DUSP16: variants seen among roughly 807,000 people sequenced by gnomAD.
DUSP16 encodes dual specificity protein phosphatase 16.
In DUSP16, 21 loss-of-function variants were observed where a neutral mutation model predicts 58.3. The observed-to-expected ratio is 0.36, with a 90% CI of 0.26 to 0.52. DUSP16 has a LOEUF of 0.52. Among genes scored for constraint, DUSP16 ranks in the 20% least tolerant of loss-of-function variants. The pLI is 0.94. For missense variants in DUSP16, 726 were observed against 819.0 expected, an observed-to-expected ratio of 0.89 and a Z score of 1.39; for synonymous variants, 320 against 323.8, an observed-to-expected ratio of 0.99 and a Z score of 0.12.
intron 4 of DUSP16, among the ~76,000 whole-genome samples, chr12:12,497,700 G>A (rs1045575152): frequency 9.3e-5 from 14 of 151,134 alleles, no homozygotes; most frequent in African/African-American, 2.4e-4. Flanking sequence ...GGCCAGGCAC[G>A]GTGGCTCACG....
chr12:12,477,318 G>T lies in DUSP16; in HGVS notation c.1513C>A (p.Arg505=). 1 of 1,614,246 alleles carries T rather than the reference G, an allele frequency of 6.2e-7. No individual in the cohort carries two copies. The highest frequency in any genetic ancestry group is 8.5e-7 in the Non-Finnish European group (1 of 1,180,046). Residue 505 remains arginine, a synonymous_variant, in exon 7 of 7, where the codon CGA becomes AGA. Coordinates refer to ENST00000298573, the MANE Select transcript of DUSP16 (RefSeq NM_030640.3). The surrounding 1 kb of genome is among the most constrained non-coding windows in gnomAD (Gnocchi z 4.1). ...TAATTGTCCTCCACGCTCCCACTTCGATGCAGTGGAGATAAAAGGGACCTC... is the reference window on the plus strand; with the variant it reads ...TAATTGTCCTCCACGCTCCCACTTCTATGCAGTGGAGATAAAAGGGACCTC... The part of the protein sequence containing the change: ...AQRSLLSPLH[R]SGSVEDNYHT...
chr12:12,531,093 T>C lies in DUSP16; in HGVS notation c.-365-9630A>G, dbSNP rs565277162. 1.6e-4 allele frequency among the ~76,000 whole-genome samples: 24 copies of C among 152,336 alleles called. No homozygotes were observed. The East Asian group carries it at 4.0e-3, about 26-fold the overall frequency. Reference sequence around the variant, plus strand: ...ATTCCAATACATGAAAGATATAGTATACTTTGTTGACAAAGAACTAATTGA... The same window carrying C: ...ATTCCAATACATGAAAGATATAGTACACTTTGTTGACAAAGAACTAATTGA... On this transcript the variant is annotated intron_variant, in intron 1 of 6. Coordinates refer to ENST00000298573, the MANE Select transcript of DUSP16 (RefSeq NM_030640.3).
At chr12:12,524,693 C>G (rs1326150555) in intron 1 of DUSP16, among the ~76,000 whole-genome samples, 3 of 152,164 alleles carry the variant, frequency 2.0e-5, no homozygotes, top group Non-Finnish European at 1.5e-5. Flanking sequence ...AGGCTCAAGT[C>G]CATAGAACAA....
intron 1 of DUSP16, among the ~76,000 whole-genome samples, chr12:12,524,937 C>T (rs973184034): frequency 1.3e-5 from 2 of 151,998 alleles, no homozygotes; most frequent in African/African-American, 4.8e-5. Flanking sequence ...TAAAAAAAAA[C>T]TAAATATATT....
chr12:12,521,410 A>G lies in DUSP16; in HGVS notation c.-312T>C. ...TGCTTTGGAGCAGCCAGCGCATTAC[A>G]TCATTCTTTACCTTTGCTCCCGCGC... On this transcript the variant is annotated 5_prime_UTR_variant, in exon 2 of 7. The change abolishes an upstream ATG in the 5' untranslated region. Transcript: ENST00000298573. The G allele has an allele frequency of 8.1e-7, 1 of 1,232,246 alleles. No homozygotes were observed. Among genetic ancestry groups the G allele is most frequent in the Non-Finnish European group, 1.0e-6 (1 of 977,322 alleles). 76.3% of individuals were successfully genotyped at this position (1,232,246 alleles called of 1,614,324 possible). A position where few individuals can be genotyped will look rare whatever the true frequency, so the allele number is the denominator to read the frequency against.
At chr12:12,505,395 A>C (rs1943978658) in intron 3 of DUSP16, among the ~76,000 whole-genome samples, 1 of 152,246 alleles carries the variant, frequency 6.6e-6, no homozygotes. Context: ...ATGAGGGAGA[A>C]GGAAGAAGAT....
At chr12:12,515,580 G>A (rs955290846) in intron 3 of DUSP16, among the ~76,000 whole-genome samples, 4 of 151,722 alleles carry the variant, frequency 2.6e-5, no homozygotes, top group East Asian at 1.9e-4. Context: ...CGCCCGCCTC[G>A]GCCTCCCAAA....
In DUSP16 at chr12:12,515,093, T is replaced by C. The variant is rs571943581; in HGVS notation, c.367+4769A>G. 9.2e-5 allele frequency among the ~76,000 whole-genome samples: 14 copies of C among 152,252 alleles called. No homozygotes were observed. In the East Asian group the frequency reaches 9.6e-4, roughly 10 times the overall value. On this transcript the variant is annotated intron_variant, in intron 3 of 6. Transcript: ENST00000298573. ...GACTTTATTAAAAAGAAAAAATATA[T>C]AGTTTATTCTGCCAATATTTTCCTA... is the stretch of plus-strand genomic sequence containing the variant.
chr12:12,545,722 C>T (rs1156366055), intron 1 of DUSP16, among the ~76,000 whole-genome samples: 2 of 152,246 alleles, frequency 1.3e-5, no homozygotes, highest in Middle Eastern at 3.4e-3. Context: ...ACGTTTCCAT[C>T]GCTCCAAAAA....
intron 4 of DUSP16, among the ~76,000 whole-genome samples, chr12:12,489,437 A>C (rs558988512): frequency 1.1e-4 from 16 of 152,374 alleles, no homozygotes; most frequent in African/African-American, 3.8e-4. Flanking sequence ...ATGTAAGAAC[A>C]GAAGTGGGTC....
intron 4 of DUSP16, among the ~76,000 whole-genome samples, chr12:12,487,429 T>C (rs757046018): frequency 6.6e-6 from 1 of 152,274 alleles, no homozygotes; most frequent in Middle Eastern, 3.4e-3. Context: ...ACATCATTCA[T>C]ATAGTCAAGT....
rs546181616 is a variant in DUSP16 at position 12,521,066 on chromosome 12, A to T, written c.33T>A (p.Val11=). The change falls in exon 2 of 7, where the codon GTT becomes GTA. Residue 11 remains valine (V), a synonymous_variant. Transcript: ENST00000298573. MAHEMIGTQI[V]TERLVALLES... Reference sequence around the variant, plus strand: ...CCAGCAGAGCCACCAACCTCTCAGTAACAATTTGAGTTCCAATCATCTCAT... The same window carrying T: ...CCAGCAGAGCCACCAACCTCTCAGTTACAATTTGAGTTCCAATCATCTCAT... The T allele has an allele frequency of 1.2e-6, 2 of 1,614,160 alleles. No individual in the cohort carries two copies. Among genetic ancestry groups the T allele is most frequent in the South Asian group, 2.2e-5 (2 of 91,074 alleles).
At chr12:12,528,246 A>G (rs1318445640) in intron 1 of DUSP16, among the ~76,000 whole-genome samples, 1 of 151,060 alleles carries the variant, frequency 6.6e-6, no homozygotes, top group African/African-American at 2.4e-5. Flanking sequence ...AGGCTCCTTC[A>G]CCTACCCCTC....
At chr12:12,497,342 T>C (rs1483513583) in intron 4 of DUSP16, among the ~76,000 whole-genome samples, 2 of 152,198 alleles carry the variant, frequency 1.3e-5, no homozygotes, top group Admixed American at 6.5e-5. Context: ...TGTGACTCAA[T>C]AGACTTAAGA....
intron 4 of DUSP16, among the ~76,000 whole-genome samples, chr12:12,497,742 C>T (rs1004964431): frequency 1.3e-5 from 2 of 151,596 alleles, no homozygotes; most frequent in Admixed American, 6.6e-5. Flanking sequence ...GAGGCTGAGG[C>T]GGGCGGATCA....
At chr12:12,510,960 C>A (rs116673493) in intron 3 of DUSP16, among the ~76,000 whole-genome samples, 2,002 of 152,288 alleles carry the variant, frequency 0.013, 53 homozygotes, top group African/African-American at 0.045. Flanking sequence ...TAAAGTGGCA[C>A]TGGATGAAGT....
Position 12,524,927 on chromosome 12 carries a change from TA to T in DUSP16, c.-365-3465del, listed in dbSNP as rs1014623774. On this transcript the variant is annotated intron_variant, in intron 1 of 6. Coordinates refer to ENST00000298573, the MANE Select transcript of DUSP16 (RefSeq NM_030640.3). ...TGAAACTTCAGCAAATACATTTAAA[TA>T]AAAAAAAACTAAATATATTCATAAT... Among the ~76,000 whole-genome samples the T allele has an allele frequency of 4.1e-3, 617 of 151,830 alleles. 9 individuals carry two copies. The highest frequency in any genetic ancestry group is 0.014 in the African/African-American group (580 of 41,416).
chr12:12,495,236 CAAAAAAAAAA>C (rs10555943), intron 4 of DUSP16, among the ~76,000 whole-genome samples: 2 of 98,944 alleles, frequency 2.0e-5, no homozygotes, highest in African/African-American at 7.9e-5. Flanking sequence ...AAAGCCATTA[CAAAAAAAAAA>C]AAAAAAAAAA....
intron 1 of DUSP16, among the ~76,000 whole-genome samples, chr12:12,540,061 A>G (rs1592204506): frequency 6.6e-6 from 1 of 151,052 alleles, no homozygotes; most frequent in Non-Finnish European, 1.5e-5. Context: ...TCTCATAAAA[A>G]GAAAAAAGAA....
Sources: allele counts gnomAD v4.1 joint callset (sites outside exome capture counted in the v4.1 genomes callset), GRCh38; gene constraint gnomAD v4.1.1; non-coding constraint Gnocchi (gnomAD v3.1); transcripts MANE v1.5; gene names NCBI Gene and HGNC (gene_info 2026-07-23, HGNC 2026-07-21).